ITFG2: variants seen among roughly 807,000 people sequenced by gnomAD.
The protein encoded by ITFG2 is integrin alpha FG-GAP repeat containing 2.
A neutral mutation model predicts 54.4 loss-of-function variants in ITFG2; 36 were observed. The observed-to-expected ratio is 0.66, with a 90% CI of 0.51 to 0.87. The LOEUF is 0.87. Ranked by LOEUF, ITFG2 falls within the 40% of genes least tolerant of loss-of-function variation. The pLI, the probability that ITFG2 is intolerant of heterozygous loss-of-function variation, is 0.00. For synonymous variants in ITFG2, 211 were observed against 225.4 expected, an observed-to-expected ratio of 0.94 and a Z score of 0.57; for missense variants, 524 against 576.7, an observed-to-expected ratio of 0.91 and a Z score of 0.94.
Position 2,824,153 on chromosome 12 carries a change from C to T in ITFG2, c.1304C>T (p.Pro435Leu), listed in dbSNP as rs2097956201. 1 of 1,614,072 alleles carries T rather than the reference C, an allele frequency of 6.2e-7. No homozygotes were observed. Among genetic ancestry groups the T allele is most frequent in the African/African-American group, 1.3e-5 (1 of 74,934 alleles). The change falls in exon 12 of 12, where the codon CCA (proline) becomes CTA (leucine). Residue 435 changes from proline to leucine, a missense_variant. Physicochemically the swap from Pro to Leu is moderately conservative, Grantham distance 98. Coordinates refer to ENST00000228799, the MANE Select transcript of ITFG2 (RefSeq NM_018463.4). ...LHQTLYHPDQPPQCAPSSLQD... is the reference protein window; with the variant it reads ...LHQTLYHPDQLPQCAPSSLQD... ...CAAACGCTCTACCATCCAGACCAGC[C>T]ACCACAGTGTGCTCCCTCAAGCCTC...
intron 2 of ITFG2, among the ~76,000 whole-genome samples, chr12:2,846,578 G>A (rs1374867130): frequency 6.6e-6 from 1 of 152,028 alleles, no homozygotes; most frequent in African/African-American, 2.4e-5. Context: ...AGGTTGTTAG[G>A]CGTGTTTTCT....
rs956083349 is a variant in ITFG2, at chr12:2,855,482, T to G, written n.301-2530T>G. On this transcript the variant is annotated intron_variant and non_coding_transcript_variant, in intron 2 of 3. Coordinates refer to the ITFG2 transcript ENST00000537710. ...ACAAAAGGGAGCCTGGGGAAGGTTG[T>G]GCAGACAGGGGTGCAGAAAGGTGGG... 1.4e-5 allele frequency: 19 copies of G among 1,388,340 alleles called. No homozygotes were observed. In the African/African-American group the frequency reaches 2.6e-4, roughly 19 times the overall value. The allele number at this position is 1,388,340 out of a possible 1,614,324, so 86.0% of individuals were successfully genotyped here. A position where few individuals can be genotyped will look rare whatever the true frequency, so the allele number is the denominator to read the frequency against.
intron 2 of ITFG2, 124 bp from the exon 3 acceptor site, chr12:2,817,785 A>G: frequency 1.1e-6 from 1 of 880,830 alleles, no homozygotes; most frequent in African/African-American, 1.7e-5. Flanking sequence ...ACCATGGTTC[A>G]TATGGCGAAA....
chr12:2,820,508 A>G (rs934751585), intron 5 of ITFG2, among the ~76,000 whole-genome samples: 4 of 152,184 alleles, frequency 2.6e-5, no homozygotes, highest in African/African-American at 7.2e-5. Flanking sequence ...CACAGGGGAA[A>G]GCATGTGGTC....
upstream of ITFG2, among the ~76,000 whole-genome samples, chr12:2,834,470 A>G (rs968306028): frequency 1.3e-5 from 2 of 152,184 alleles, no homozygotes; most frequent in Non-Finnish European, 2.9e-5. Context: ...AAACCATGGG[A>G]ACATCCCCGG....
intron 2 of ITFG2, among the ~76,000 whole-genome samples, chr12:2,846,873 T>C (rs1319446159): frequency 6.6e-6 from 1 of 152,124 alleles, no homozygotes; most frequent in Non-Finnish European, 1.5e-5. Context: ...AAGAGTTCGA[T>C]GTATTACATT....
chr12:2,827,216 A>G (rs1484450872), downstream of ITFG2: 1 of 1,613,994 alleles, frequency 6.2e-7, no homozygotes, highest in Non-Finnish European at 8.5e-7. The surrounding 1 kb of genome is among the most constrained non-coding windows in gnomAD (Gnocchi z 4.0). Context: ...GTCACTGGCC[A>G]GGCTCTTGGT....
intron 3 of ITFG2, chr12:2,858,876 A>G: frequency 1.9e-6 from 3 of 1,613,992 alleles, no homozygotes; most frequent in Non-Finnish European, 2.5e-6. Flanking sequence ...GGGGACGGAG[A>G]TGAGGTCTAA....
rs1183135841 is a variant in ITFG2, at chr12:2,821,265, G to T, written c.699G>T (p.Glu233Asp). ...ASEGPTDGSR[E>D]TPAARDVVLH... ...TCCGTCCACCTGCTGTGCACAGGGA[G>T]ACCCCAGCTGCCCGAGACGTGGTGC... The change falls in exon 7 of 12, where the codon GAG becomes GAT. Residue 233 changes from glutamate (E) to aspartate (D), a missense_variant. Physicochemically the swap from Glu to Asp is conservative, Grantham distance 45 (BLOSUM62 2). Transcript: ENST00000228799. 1 of 1,605,278 alleles carries T rather than the reference G, an allele frequency of 6.2e-7. No individual in the cohort carries two copies. Among genetic ancestry groups the T allele is most frequent in the East Asian group, 2.2e-5 (1 of 44,646 alleles).
chr12:2,821,053 A>G (rs1365692911), intron 6 of ITFG2, among the ~76,000 whole-genome samples, 181 bp downstream of exon 6: 1 of 152,172 alleles, frequency 6.6e-6, no homozygotes, highest in Non-Finnish European at 1.5e-5. Context: ...CTGGGCTCTA[A>G]CTTTGTAGCA....
intron 4 of ITFG2, among the ~76,000 whole-genome samples, chr12:2,818,976 C>T (rs1041880698): frequency 1.3e-5 from 2 of 151,918 alleles, no homozygotes; most frequent in African/African-American, 4.8e-5. Flanking sequence ...CAGGATCATG[C>T]CACTGCACTC....
intron 2 of ITFG2, among the ~76,000 whole-genome samples, chr12:2,850,197 C>T (rs978330625): frequency 1.3e-5 from 2 of 152,088 alleles, no homozygotes; most frequent in Non-Finnish European, 2.9e-5. Context: ...GCCCCTAGGC[C>T]GGACCCAGTG....
intron 1 of ITFG2, among the ~76,000 whole-genome samples, chr12:2,837,701 T>C (rs1427977767): frequency 6.6e-6 from 1 of 151,942 alleles, no homozygotes; most frequent in Admixed American, 6.6e-5. Flanking sequence ...TGGTGGCATG[T>C]ACCTATAGTC....
At chr12:2,820,660 C>CCCCCGGGA in intron 5 of ITFG2, 64 bp from the exon 6 acceptor site, 1 of 1,227,974 alleles carries the variant, frequency 8.1e-7, no homozygotes, top group Non-Finnish European at 1.2e-6. Context: ...CGCCCCCTGC[C>CCCCCGGGA]GTTCTCTGCA....
downstream of ITFG2, chr12:2,827,816 A>C: frequency 6.2e-7 from 1 of 1,603,374 alleles, no homozygotes; most frequent in Non-Finnish European, 8.5e-7. The surrounding 1 kb of genome is among the most constrained non-coding windows in gnomAD (Gnocchi z 4.0). Context: ...GATAGTCAGA[A>C]CATCTCTGGG....
intron 2 of ITFG2, among the ~76,000 whole-genome samples, chr12:2,850,565 T>C (rs1314010937): frequency 6.6e-6 from 1 of 152,032 alleles, no homozygotes; most frequent in Non-Finnish European, 1.5e-5. Context: ...AACAAGATCA[T>C]GCTTACATCT....
At chr12:2,817,877 C>G in intron 2 of ITFG2, 32 bp from the exon 3 acceptor site, 1 of 1,606,058 alleles carries the variant, frequency 6.2e-7, no homozygotes, top group Non-Finnish European at 8.5e-7. Context: ...TCTCCCTTAG[C>G]GTCTCCCTGA....
downstream of ITFG2, chr12:2,826,515 A>G (rs1603483638): frequency 1.3e-5 from 2 of 152,380 alleles, no homozygotes; most frequent in East Asian, 3.9e-4. Context: ...AAATACCTAT[A>G]GCGTTAATAG....
At chr12:2,825,732 A>AGGTTAGCTG (rs2097963367), downstream of ITFG2, 1 of 152,282 alleles carries the variant, frequency 6.6e-6, no homozygotes, top group East Asian at 1.9e-4. Flanking sequence ...TCCCTTGTTC[A>AGGTTAGCTG]GGTTAGCTGT....
Sources: allele counts gnomAD v4.1 joint callset (sites outside exome capture counted in the v4.1 genomes callset), GRCh38; gene constraint gnomAD v4.1.1; non-coding constraint Gnocchi (gnomAD v3.1); transcripts MANE v1.5; gene names NCBI Gene and HGNC (gene_info 2026-07-23, HGNC 2026-07-21).